TENM2: variants seen among roughly 807,000 people sequenced by gnomAD.
TENM2 encodes teneurin transmembrane protein 2.
Under a neutral mutation model 245.2 loss-of-function variants are expected in TENM2, and 52 were observed. That is an observed-to-expected ratio of 0.21 (90% CI 0.17 to 0.27). TENM2 has a LOEUF of 0.27. Ranked by LOEUF, TENM2 falls within the 10% of genes least tolerant of loss-of-function variation. The pLI is 1.00. For synonymous variants in TENM2, 1,363 were observed against 1,438.9 expected, an observed-to-expected ratio of 0.95 and a Z score of 1.19; for missense variants, 3,046 against 3,666.8, an observed-to-expected ratio of 0.83 and a Z score of 4.37.
chr5:167,097,628 A>G, the TENM2 span, among the ~76,000 whole-genome samples: 4 of 152,206 alleles, frequency 2.6e-5, no homozygotes, highest in Non-Finnish European at 4.4e-5. Context: ...TCCAACATCA[A>G]TGAATAAGAC....
At chr5:168,232,779 G>A (rs950209387) in intron 25 of TENM2, among the ~76,000 whole-genome samples, 1 of 152,210 alleles carries the variant, frequency 6.6e-6, no homozygotes, top group East Asian at 1.9e-4. Flanking sequence ...TCTCTTAGTG[G>A]AGGAAAGTAT....
chr5:167,431,935 A>T (rs1323567735), intron 2 of TENM2, among the ~76,000 whole-genome samples: 1 of 95,770 alleles, frequency 1.0e-5, no homozygotes, highest in African/African-American at 3.8e-5. Context: ...ATACATATAT[A>T]TATACATATA....
At chr5:167,193,631 TTTG>T in the TENM2 span, among the ~76,000 whole-genome samples, 2 of 151,938 alleles carry the variant, frequency 1.3e-5, no homozygotes, top group Admixed American at 6.6e-5. Context: ...TAGATTTAAA[TTTG>T]AAGTTCATAC....
chr5:167,833,533 C>T lies in TENM2; in HGVS notation c.503-42453C>T, dbSNP rs140997617. The stretch of plus-strand genomic sequence containing the variant: ...TCTAGTGAAGAAAGTCACATGGCTC[C>T]TCCAAAGCTTATCTCCTCATGCTCA... On this transcript the variant is annotated intron_variant, in intron 2 of 28. Transcript: ENST00000518659. Among the ~76,000 whole-genome samples the T allele has an allele frequency of 2.6e-4, 39 of 152,318 alleles. No homozygotes were observed. In the East Asian group the frequency reaches 7.1e-3, roughly 28 times the overall value.
the TENM2 span, among the ~76,000 whole-genome samples, chr5:167,222,364 A>C: frequency 6.6e-6 from 1 of 152,188 alleles, no homozygotes; most frequent in Admixed American, 6.5e-5. Flanking sequence ...GAAGACTCCC[A>C]AAAGGGCCTC....
chr5:167,921,867 A>G (rs772803779), intron 3 of TENM2, among the ~76,000 whole-genome samples: 4 of 152,228 alleles, frequency 2.6e-5, no homozygotes, highest in Non-Finnish European at 5.9e-5. Flanking sequence ...TATTACCCCA[A>G]CTTTACAAAT....
chr5:167,886,903 G>C (rs1262038364), intron 3 of TENM2, among the ~76,000 whole-genome samples: 3 of 152,208 alleles, frequency 2.0e-5, no homozygotes, highest in South Asian at 2.1e-4. Context: ...TCAGTAGTTA[G>C]GCATTGGAGC....
chr5:167,494,932 C>T (rs758237078), intron 2 of TENM2, among the ~76,000 whole-genome samples: 11 of 151,998 alleles, frequency 7.2e-5, no homozygotes, highest in Non-Finnish European at 1.2e-4. Flanking sequence ...TTTTAATATA[C>T]GGCCTCTAAA....
At chr5:167,046,814 C>T in the TENM2 span, among the ~76,000 whole-genome samples, 7 of 152,110 alleles carry the variant, frequency 4.6e-5, no homozygotes, top group Non-Finnish European at 8.8e-5. Flanking sequence ...GTTTTAAGCC[C>T]TGTATGCGTT....
intron 4 of TENM2, among the ~76,000 whole-genome samples, chr5:167,971,954 G>C (rs1012521160): frequency 6.6e-6 from 1 of 152,200 alleles, no homozygotes; most frequent in African/African-American, 2.4e-5. Context: ...CAGGCCTCTG[G>C]CCAGAGCTTT....
intron 5 of TENM2, among the ~76,000 whole-genome samples, chr5:168,022,399 C>A (rs1453915175): frequency 6.6e-6 from 1 of 152,234 alleles, no homozygotes; most frequent in East Asian, 1.9e-4. Context: ...AAACAGTTTT[C>A]AACGAGTGCC....
chr5:167,746,848 G>T (rs1246175120), intron 2 of TENM2, among the ~76,000 whole-genome samples: 2 of 152,188 alleles, frequency 1.3e-5, no homozygotes, highest in East Asian at 3.9e-4. Context: ...GCGTGTGTGT[G>T]CATACACACA....
chr5:167,186,985 A>T, the TENM2 span, among the ~76,000 whole-genome samples: 1 of 152,148 alleles, frequency 6.6e-6, no homozygotes, highest in East Asian at 1.9e-4. Flanking sequence ...TGTTGTTGTG[A>T]TGTGAATAAC....
the TENM2 span, among the ~76,000 whole-genome samples, chr5:167,117,974 G>GAA: frequency 6.6e-6 from 1 of 152,158 alleles, no homozygotes; most frequent in Admixed American, 6.5e-5. Context: ...CATGGGCAAA[G>GAA]GAAACACCGC....
At chr5:167,052,247 C>T in the TENM2 span, among the ~76,000 whole-genome samples, 1 of 152,080 alleles carries the variant, frequency 6.6e-6, no homozygotes, top group Non-Finnish European at 1.5e-5. Flanking sequence ...TTTATGATTA[C>T]ATGACACCTG....
chr5:167,665,537 T>C (rs1219666865), intron 2 of TENM2, among the ~76,000 whole-genome samples: 1 of 152,176 alleles, frequency 6.6e-6, no homozygotes, highest in East Asian at 1.9e-4. Context: ...GAAACAATTG[T>C]TAAAATATCT....
chr5:167,304,842 G>A (rs1424224489), intron 1 of TENM2, among the ~76,000 whole-genome samples: 1 of 152,266 alleles, frequency 6.6e-6, no homozygotes, highest in South Asian at 2.1e-4. Context: ...CTTCAGAGCT[G>A]TCAGTTCAGA....
At chr5:167,175,999 C>T in the TENM2 span, among the ~76,000 whole-genome samples, 12 of 152,292 alleles carry the variant, frequency 7.9e-5, no homozygotes, top group East Asian at 2.3e-3. Flanking sequence ...AGTGAGCCAC[C>T]ATGCCCAGCT....
At chr5:167,452,361 G>A (rs1335285769) in intron 2 of TENM2, among the ~76,000 whole-genome samples, 3 of 152,126 alleles carry the variant, frequency 2.0e-5, no homozygotes, top group Non-Finnish European at 4.4e-5. Context: ...GCAAGTCAGG[G>A]ATATAGTTGT....
Sources: gnomAD v4.1 joint callset for allele counts (sites outside exome capture counted in the v4.1 genomes callset) on GRCh38, gnomAD v4.1.1 for gene constraint, MANE v1.5 for transcripts, NCBI Gene and HGNC (gene_info 2026-07-23, HGNC 2026-07-21) for gene names.